Variants in MORC1 observed in about 807,000 individuals in gnomAD.
The protein encoded by MORC1 is MORC family CW-type zinc finger protein 1.
Under a neutral mutation model 134.9 loss-of-function variants are expected in MORC1, and 59 were observed. The observed-to-expected ratio is 0.44, with a 90% CI of 0.35 to 0.54. The LOEUF (loss-of-function observed/expected upper bound fraction) is 0.54, where lower values mean the gene tolerates loss of function less well. MORC1 is among the 20% of genes least tolerant of loss of function. The probability of loss-of-function intolerance (pLI) is 0.00; values close to 1 mark genes in which losing one functional copy is unlikely to be tolerated. For missense variants in MORC1, 947 were observed against 1,134.5 expected, an observed-to-expected ratio of 0.83 and a Z score of 2.37; for synonymous variants, 395 against 391.7, an observed-to-expected ratio of 1.01 and a Z score of -0.10.
chr3:108,979,410 G>A, intron 24 of MORC1, 105 bp downstream of exon 24: 2 of 1,240,178 alleles, frequency 1.6e-6, no homozygotes, highest in South Asian at 2.8e-5. Context: ...TCACTCTACT[G>A]AATTTATTCA....
At chr3:108,990,678 T>C (rs2593969) in intron 21 of MORC1, among the ~76,000 whole-genome samples, 63,931 of 152,022 alleles carry the variant, frequency 0.42, 14,127 homozygotes, top group Middle Eastern at 0.55. Flanking sequence ...ATGGAAGCTC[T>C]GCAAAGGCAG....
At chr3:109,025,387 T>A in intron 17 of MORC1, among the ~76,000 whole-genome samples, 1 of 88,518 alleles carries the variant, frequency 1.1e-5, no homozygotes, top group South Asian at 3.8e-4. Context: ...TTCTTTTTTT[T>A]TTTTTTTTTT....
chr3:108,973,003 A>G (rs1301686472), intron 24 of MORC1, among the ~76,000 whole-genome samples: 2 of 152,220 alleles, frequency 1.3e-5, no homozygotes, highest in East Asian at 1.9e-4. Flanking sequence ...TGGCATCTCT[A>G]TTTCAAAATC....
chr3:109,111,050 T>TAAAAAAAAAAAAAAAA (rs11344763), intron 2 of MORC1, among the ~76,000 whole-genome samples: 1 of 113,864 alleles, frequency 8.8e-6, no homozygotes, highest in Non-Finnish European at 1.8e-5. Flanking sequence ...GGATATAATT[T>TAAAAAAAAAAAAAAAA]AAAAAAAAAA....
chr3:109,010,177 A>G (rs934692338), intron 17 of MORC1, among the ~76,000 whole-genome samples: 1 of 152,078 alleles, frequency 6.6e-6, no homozygotes, highest in Non-Finnish European at 1.5e-5. Context: ...CAAATGTAAA[A>G]GTCATTTTCA....
intron 21 of MORC1, among the ~76,000 whole-genome samples, chr3:108,989,374 A>G (rs1947983458): frequency 6.6e-6 from 1 of 152,236 alleles, no homozygotes; most frequent in African/African-American, 2.4e-5. Flanking sequence ...AAGTCTTAAC[A>G]TAGAGTTTAA....
intron 9 of MORC1, among the ~76,000 whole-genome samples, chr3:109,064,594 C>A (rs1451179139): frequency 6.6e-6 from 1 of 151,050 alleles, no homozygotes; most frequent in Non-Finnish European, 1.5e-5. Flanking sequence ...GAAAAAAAAA[C>A]ACACTTCAAG....
At chr3:109,050,371 G>T (rs539725617) in intron 14 of MORC1, among the ~76,000 whole-genome samples, 28 of 152,288 alleles carry the variant, frequency 1.8e-4, no homozygotes, top group Admixed American at 6.5e-4. Flanking sequence ...TGAGTCTGGT[G>T]AGGGCTTGCT....
At chr3:109,060,043 T>C (rs559094046) in intron 11 of MORC1, among the ~76,000 whole-genome samples, 173 bp from the exon 12 acceptor site, 2 of 152,312 alleles carry the variant, frequency 1.3e-5, no homozygotes, top group South Asian at 4.1e-4. Flanking sequence ...TCCAATACTT[T>C]AGAAGATAAA....
intron 14 of MORC1, among the ~76,000 whole-genome samples, chr3:109,040,448 G>GAAAGAAAGAAAC (rs1949501303): frequency 2.4e-5 from 3 of 125,738 alleles, no homozygotes; most frequent in African/African-American, 9.0e-5. Context: ...AAGAAAGAAA[G>GAAAGAAAGAAAC]AAAGAAAGAA....
intron 27 of MORC1, among the ~76,000 whole-genome samples, chr3:108,960,351 C>G (rs1328904604): frequency 6.6e-6 from 1 of 152,158 alleles, no homozygotes; most frequent in African/African-American, 2.4e-5. Flanking sequence ...AAGAGCAAAG[C>G]TTTCAATGGA....
intron 23 of MORC1, among the ~76,000 whole-genome samples, chr3:108,982,190 A>C (rs1465099566): frequency 6.6e-6 from 1 of 152,216 alleles, no homozygotes; most frequent in Non-Finnish European, 1.5e-5. Context: ...ATGCAAATCA[A>C]AACCACAATG....
At chr3:109,087,302 G>A (rs142157129) in intron 8 of MORC1, among the ~76,000 whole-genome samples, 19 of 152,180 alleles carry the variant, frequency 1.2e-4, no homozygotes, top group African/African-American at 4.3e-4. Flanking sequence ...GTTTGCAAAC[G>A]ACATGACTCT....
chr3:108,961,488 T>C (rs35549354), intron 27 of MORC1, among the ~76,000 whole-genome samples: 5,599 of 152,182 alleles, frequency 0.037, 203 homozygotes, highest in Middle Eastern at 0.12. Flanking sequence ...GGATGCTACA[T>C]TATTTCCACA....
At chr3:109,023,680 G>C (rs935133563) in intron 17 of MORC1, among the ~76,000 whole-genome samples, 1 of 152,188 alleles carries the variant, frequency 6.6e-6, no homozygotes, top group Non-Finnish European at 1.5e-5. Flanking sequence ...AGTTAAATCT[G>C]AGAAAGAGGC....
intron 4 of MORC1, among the ~76,000 whole-genome samples, chr3:109,101,824 C>T (rs1950931604): frequency 6.6e-6 from 1 of 152,186 alleles, no homozygotes; most frequent in South Asian, 2.1e-4. Context: ...GTTTTAAAAA[C>T]CTGCCCAAGG....
rs185650939 is a variant in MORC1, at chr3:109,018,661, T to G, written c.1704+9090A>C. On this transcript the variant is annotated intron_variant, in intron 17 of 27. Transcript: ENST00000232603. ...ATCATCTGATCTGACTCTCACCCAA[T>G]CCATTGCTCCAGGGGTAAAAACCAG... Among the ~76,000 whole-genome samples, 30 of 152,322 alleles carry G rather than the reference T, an allele frequency of 2.0e-4. No homozygotes were observed. In the East Asian group the frequency reaches 5.4e-3, roughly 27 times the overall value.
At chr3:109,103,456 A>T (rs901119478) in intron 4 of MORC1, among the ~76,000 whole-genome samples, 4 of 152,204 alleles carry the variant, frequency 2.6e-5, no homozygotes, top group Non-Finnish European at 5.9e-5. Context: ...AGGTTAAGCA[A>T]AATTAAAAAT....
chr3:108,996,284 G>GCACACACACACA lies in MORC1; in HGVS notation c.2187+4272_2187+4273insTGTGTGTGTGTG, dbSNP rs1367526527. Among the ~76,000 whole-genome samples the GCACACACACACA allele has an allele frequency of 2.2e-3, 170 of 77,566 alleles. 1 individual carries two copies. The highest frequency in any genetic ancestry group is 2.8e-3 in the African/African-American group (65 of 22,982). 50.9% of individuals were successfully genotyped at this position (77,566 alleles called of 152,430 possible). A position where few individuals can be genotyped will look rare whatever the true frequency, so the allele number is the denominator to read the frequency against. On this transcript the variant is annotated intron_variant, in intron 21 of 27. Coordinates refer to ENST00000232603, the MANE Select transcript of MORC1 (RefSeq NM_014429.4). ...CACATGTGCGCGTGCGTGCGCGCGCGCGCACACACACACACACACACACAA... is the reference window on the plus strand; with the variant it reads ...CACATGTGCGCGTGCGTGCGCGCGCGCACACACACACACGCACACACACACACACACACACAA...
Sources: gnomAD v4.1 joint callset for allele counts (sites outside exome capture counted in the v4.1 genomes callset) on GRCh38, gnomAD v4.1.1 for gene constraint, MANE v1.5 for transcripts, NCBI Gene and HGNC (gene_info 2026-07-23, HGNC 2026-07-21) for gene names.